WDPCP: variants seen among roughly 807,000 people sequenced by gnomAD.
WDPCP encodes WD repeat containing planar cell polarity effector.
In WDPCP, 71 loss-of-function variants were observed where a neutral mutation model predicts 93.1. That is an observed-to-expected ratio of 0.76 (90% CI 0.63 to 0.93). The LOEUF (loss-of-function observed/expected upper bound fraction) is 0.93. Ranked by LOEUF, WDPCP falls within the 40% of genes least tolerant of loss-of-function variation. The probability of loss-of-function intolerance (pLI) is 0.00; values close to 1 mark genes in which losing one functional copy is unlikely to be tolerated. For missense variants in WDPCP, 844 were observed against 887.4 expected (o/e 0.95, Z 0.62); for synonymous variants, 315 against 315.0 (o/e 1.00, Z 0.00).
At chr2:63,839,499 A>G in the WDPCP span, among the ~76,000 whole-genome samples, 1 of 152,262 alleles carries the variant, frequency 6.6e-6, no homozygotes, top group African/African-American at 2.4e-5. Context: ...CGGAGGTTGC[A>G]GTGAGCCTAG....
At chr2:63,198,256 G>T (rs535906891) in intron 14 of WDPCP, among the ~76,000 whole-genome samples, 10 of 152,254 alleles carry the variant, frequency 6.6e-5, no homozygotes, top group Middle Eastern at 3.4e-3. Flanking sequence ...TTTCCATACA[G>T]ATTTTCTGCT....
At chr2:63,353,710 T>C (rs1222673831) in intron 12 of WDPCP, among the ~76,000 whole-genome samples, 3 of 152,124 alleles carry the variant, frequency 2.0e-5, no homozygotes, top group Non-Finnish European at 1.5e-5. Context: ...ACAGGTGTCT[T>C]TGGGCTGGCA....
chr2:63,350,083 CAT>C (rs1162281989), intron 12 of WDPCP, among the ~76,000 whole-genome samples: 11 of 152,136 alleles, frequency 7.2e-5, no homozygotes, highest in Admixed American at 7.2e-4. Context: ...AAATGTGGCA[CAT>C]ATACACCATG....
At chr2:63,143,170 A>G (rs1323308440) in intron 17 of WDPCP, among the ~76,000 whole-genome samples, 1 of 152,110 alleles carries the variant, frequency 6.6e-6, no homozygotes, top group East Asian at 1.9e-4. Context: ...CCATTATATA[A>G]TGTCCCTCTT....
intron 1 of WDPCP, among the ~76,000 whole-genome samples, chr2:63,523,707 T>A (rs1165692723): frequency 6.6e-6 from 1 of 151,464 alleles, no homozygotes; most frequent in Non-Finnish European, 1.5e-5. Flanking sequence ...AGGTCAGGAG[T>A]TCGAGACCAG....
intron 12 of WDPCP, among the ~76,000 whole-genome samples, chr2:63,354,963 G>C (rs754714247): frequency 5.3e-5 from 8 of 152,150 alleles, no homozygotes; most frequent in Non-Finnish European, 1.0e-4. Context: ...CCAAATATAT[G>C]AATCACTGAC....
intron 1 of WDPCP, among the ~76,000 whole-genome samples, chr2:63,554,462 G>A (rs1705919801): frequency 6.6e-6 from 1 of 152,002 alleles, no homozygotes; most frequent in Non-Finnish European, 1.5e-5. Context: ...GACCAGCCTG[G>A]CCAACGTGGC....
chr2:63,557,812 C>T (rs1458400025), intron 1 of WDPCP, among the ~76,000 whole-genome samples: 2 of 152,126 alleles, frequency 1.3e-5, no homozygotes, highest in African/African-American at 2.4e-5. Context: ...GACCACAGTG[C>T]AATCAAATTA....
chr2:63,658,339 C>A (rs1710190596), intron 2 of WDPCP, among the ~76,000 whole-genome samples: 1 of 152,166 alleles, frequency 6.6e-6, no homozygotes, highest in Non-Finnish European at 1.5e-5. Flanking sequence ...TGGAAAAAGA[C>A]AGAGTAAAAT....
intron 6 of WDPCP, among the ~76,000 whole-genome samples, chr2:63,474,351 A>C (rs1375756390): frequency 6.6e-6 from 1 of 152,100 alleles, no homozygotes; most frequent in Non-Finnish European, 1.5e-5. Flanking sequence ...AAAGTTCTGC[A>C]CTAATTGGCA....
intron 10 of WDPCP, among the ~76,000 whole-genome samples, chr2:63,386,142 C>G (rs1308373030): frequency 6.6e-6 from 1 of 151,958 alleles, no homozygotes; most frequent in Non-Finnish European, 1.5e-5. Flanking sequence ...CCTTGTGACC[C>G]TGCGTCAAAG....
At chr2:63,778,879 A>G (rs987915893) in intron 2 of WDPCP, among the ~76,000 whole-genome samples, 1 of 152,192 alleles carries the variant, frequency 6.6e-6, no homozygotes, top group Non-Finnish European at 1.5e-5. Flanking sequence ...ATAAAATAAC[A>G]TATTTTTGTT....
intron 3 of WDPCP, among the ~76,000 whole-genome samples, chr2:63,608,384 G>C (rs1709576529): frequency 6.6e-6 from 1 of 151,916 alleles, no homozygotes; most frequent in African/African-American, 2.4e-5. Context: ...TTTTTTAATA[G>C]TCTTGTTTTT....
chr2:63,153,926 A>C (rs927127474), intron 15 of WDPCP, among the ~76,000 whole-genome samples: 2 of 152,050 alleles, frequency 1.3e-5, no homozygotes, highest in African/African-American at 4.8e-5. Context: ...GGTTATTACA[A>C]AATTAAAATG....
chr2:63,441,234 C>G (rs900132458), intron 6 of WDPCP: 2 of 152,050 alleles, frequency 1.3e-5, no homozygotes, highest in Non-Finnish European at 2.9e-5. Flanking sequence ...ACAACTTAAT[C>G]TCTACTGAAT....
At chr2:63,426,346 AAAAAC>A (rs1362474145) in intron 9 of WDPCP, among the ~76,000 whole-genome samples, 1 of 152,178 alleles carries the variant, frequency 6.6e-6, no homozygotes, top group Non-Finnish European at 1.5e-5. Flanking sequence ...TGTCTCAAAA[AAAAAC>A]AAAACAAAAC....
chr2:63,573,935 G>A (rs759289707), intron 1 of WDPCP, among the ~76,000 whole-genome samples: 9 of 152,214 alleles, frequency 5.9e-5, no homozygotes, highest in East Asian at 5.8e-4. Flanking sequence ...CCAGTCTCCC[G>A]TAGCACTCCC....
At chr2:63,302,957 T>G (rs1685446263) in intron 13 of WDPCP, among the ~76,000 whole-genome samples, 1 of 152,200 alleles carries the variant, frequency 6.6e-6, no homozygotes, top group Admixed American at 6.5e-5. Context: ...GACTATCTTC[T>G]TGTGCTAAGT....
chr2:63,549,264 A>G (rs553424918), intron 1 of WDPCP, among the ~76,000 whole-genome samples: 35 of 151,558 alleles, frequency 2.3e-4, no homozygotes, highest in African/African-American at 6.5e-4. Flanking sequence ...AAAAAAAAAA[A>G]AAAAGAAAAT....
Sources: allele counts gnomAD v4.1 joint callset (sites outside exome capture counted in the v4.1 genomes callset), GRCh38; gene constraint gnomAD v4.1.1; transcripts MANE v1.5; gene names NCBI Gene and HGNC (gene_info 2026-07-23, HGNC 2026-07-21).